GALNT13: variants seen among roughly 807,000 people sequenced by gnomAD.
The protein encoded by GALNT13 is polypeptide N-acetylgalactosaminyltransferase 13, also known as UDP-GalNAc:polypeptide N-acetylgalactosaminyltransferase 13.
Under a neutral mutation model 64.2 loss-of-function variants are expected in GALNT13, and 28 were observed. That is an observed-to-expected ratio of 0.44 (90% confidence interval 0.32 to 0.60). The LOEUF is 0.60. GALNT13 is among the 20% of genes least tolerant of loss of function. The pLI, the probability that GALNT13 is intolerant of heterozygous loss-of-function variation, is 0.05. For synonymous variants in GALNT13, 214 were observed against 224.6 expected, an observed-to-expected ratio of 0.95 and a Z score of 0.42; for missense variants, 577 against 669.8, an observed-to-expected ratio of 0.86 and a Z score of 1.53.
the GALNT13 span, among the ~76,000 whole-genome samples, chr2:153,365,452 G>A: frequency 1.1e-4 from 16 of 152,088 alleles, no homozygotes; most frequent in South Asian, 3.3e-3. Flanking sequence ...GAGTGAACAG[G>A]CAACCTACAG....
At chr2:153,590,139 G>A in the GALNT13 span, among the ~76,000 whole-genome samples, 3 of 151,914 alleles carry the variant, frequency 2.0e-5, no homozygotes, top group Non-Finnish European at 4.4e-5. Flanking sequence ...ATTACAATGA[G>A]AAATAAAAAG....
intron 3 of GALNT13, among the ~76,000 whole-genome samples, chr2:154,027,332 A>C (rs1698041809): frequency 6.6e-6 from 1 of 152,160 alleles, no homozygotes; most frequent in South Asian, 2.1e-4. Context: ...GGACTACTTA[A>C]CAATATAGAA....
At chr2:154,308,690 GC>G (rs1275314076) in intron 9 of GALNT13, among the ~76,000 whole-genome samples, 1 of 152,072 alleles carries the variant, frequency 6.6e-6, no homozygotes, top group Non-Finnish European at 1.5e-5. Flanking sequence ...TTTAATACAT[GC>G]TTTTTCAGCA....
At chr2:153,717,471 C>T in the GALNT13 span, among the ~76,000 whole-genome samples, 1 of 152,192 alleles carries the variant, frequency 6.6e-6, no homozygotes, top group Admixed American at 6.5e-5. Flanking sequence ...TCAGCTACCA[C>T]TCCTAATTTA....
chr2:154,321,997 A>T (rs1694647171), intron 9 of GALNT13, among the ~76,000 whole-genome samples: 3 of 151,990 alleles, frequency 2.0e-5, no homozygotes, highest in Non-Finnish European at 4.4e-5. Flanking sequence ...ATATTTGCCC[A>T]ACTTGATTTA....
At chr2:153,659,676 A>G in the GALNT13 span, among the ~76,000 whole-genome samples, 17 of 152,180 alleles carry the variant, frequency 1.1e-4, no homozygotes, top group Non-Finnish European at 2.1e-4. Flanking sequence ...TCAAATTATC[A>G]GTTGCAATCA....
At chr2:154,144,282 A>C (rs2105592486) in intron 4 of GALNT13, among the ~76,000 whole-genome samples, 1 of 152,222 alleles carries the variant, frequency 6.6e-6, no homozygotes, top group South Asian at 2.1e-4. Flanking sequence ...ATGTTGAAAA[A>C]CTTACCATGA....
chr2:154,029,169 T>C (rs1181986432), intron 3 of GALNT13, among the ~76,000 whole-genome samples: 2 of 139,366 alleles, frequency 1.4e-5, no homozygotes, highest in African/African-American at 5.4e-5. Context: ...ATAGATATTA[T>C]ACAATTTATT....
the GALNT13 span, among the ~76,000 whole-genome samples, chr2:153,105,793 G>A: frequency 1.3e-5 from 2 of 151,912 alleles, no homozygotes; most frequent in South Asian, 4.2e-4. Flanking sequence ...AAAATACCTA[G>A]GAATCCAACT....
At chr2:153,338,837 G>C in the GALNT13 span, among the ~76,000 whole-genome samples, 1 of 152,066 alleles carries the variant, frequency 6.6e-6, no homozygotes, top group Admixed American at 6.6e-5. Flanking sequence ...GTTTCTATAA[G>C]TTGACTTTCC....
At chr2:154,435,867 T>C (rs1205048198) in intron 11 of GALNT13, 1 of 152,066 alleles carries the variant, frequency 6.6e-6, no homozygotes, top group Non-Finnish European at 1.5e-5. Context: ...GTAGTAAACA[T>C]GAAAAAAATT....
At chr2:153,962,005 A>G (rs1001197903) in intron 3 of GALNT13, among the ~76,000 whole-genome samples, 3 of 152,192 alleles carry the variant, frequency 2.0e-5, no homozygotes, top group African/African-American at 7.2e-5. Context: ...TCATGATCAT[A>G]GAGTAGCCAG....
At chr2:153,487,636 G>T in the GALNT13 span, among the ~76,000 whole-genome samples, 3 of 152,172 alleles carry the variant, frequency 2.0e-5, no homozygotes, top group African/African-American at 7.2e-5. Flanking sequence ...TCCAGACTGG[G>T]GCACTGGGAG....
the GALNT13 span, among the ~76,000 whole-genome samples, chr2:153,850,439 C>T: frequency 6.6e-6 from 1 of 152,182 alleles, no homozygotes; most frequent in South Asian, 2.1e-4. Context: ...TTAACCGTGT[C>T]TCAGAATGTA....
chr2:153,914,020 A>T (rs950024631), intron 2 of GALNT13, among the ~76,000 whole-genome samples: 3 of 152,192 alleles, frequency 2.0e-5, no homozygotes, highest in Non-Finnish European at 4.4e-5. Flanking sequence ...AAACTCATTA[A>T]TTCTAGTGTG....
At chr2:153,708,648 T>C in the GALNT13 span, among the ~76,000 whole-genome samples, 1 of 152,164 alleles carries the variant, frequency 6.6e-6, no homozygotes, top group Non-Finnish European at 1.5e-5. Context: ...ATTTTGTTTA[T>C]ACAGATTTAT....
chr2:154,326,525 TATTA>T (rs1235157725), intron 9 of GALNT13, among the ~76,000 whole-genome samples: 1 of 152,086 alleles, frequency 6.6e-6, no homozygotes, highest in African/African-American at 2.4e-5. Flanking sequence ...TACATATATA[TATTA>T]ATTATCTCCT....
the GALNT13 span, chr2:153,421,836 T>C: frequency 5.4e-6 from 1 of 185,290 alleles, no homozygotes; most frequent in Non-Finnish European, 1.2e-5. Flanking sequence ...CCTTACCCAG[T>C]GGTCTTGTCA....
chr2:154,282,608 A>G (rs1692021651), intron 8 of GALNT13, among the ~76,000 whole-genome samples: 1 of 152,180 alleles, frequency 6.6e-6, no homozygotes, highest in African/African-American at 2.4e-5. Context: ...GACTTGTTCC[A>G]AATTCTACAA....
Sources: gnomAD v4.1 joint callset for allele counts (sites outside exome capture counted in the v4.1 genomes callset) on GRCh38, gnomAD v4.1.1 for gene constraint, MANE v1.5 for transcripts, NCBI Gene and HGNC (gene_info 2026-07-23, HGNC 2026-07-21) for gene names.